Variants in UVRAG observed in about 807,000 individuals in gnomAD.
UVRAG encodes the protein UV radiation resistance associated.
Under a neutral mutation model 78.0 loss-of-function variants are expected in UVRAG, and 19 were observed. That is an observed-to-expected ratio of 0.24 (90% confidence interval 0.17 to 0.36). The LOEUF (loss-of-function observed/expected upper bound fraction) is 0.36, where lower values mean the gene tolerates loss of function less well. Ranked by LOEUF, UVRAG falls within the 10% of genes least tolerant of loss-of-function variation. The pLI is 1.00. For missense variants in UVRAG, 740 were observed against 853.8 expected, an observed-to-expected ratio of 0.87 and a Z score of 1.66; for synonymous variants, 323 against 324.6, an observed-to-expected ratio of 1.00 and a Z score of 0.05.
intron 3 of UVRAG, among the ~76,000 whole-genome samples, chr11:75,877,757 C>T (rs1420634035): frequency 1.4e-5 from 2 of 140,770 alleles, no homozygotes; most frequent in Admixed American, 6.8e-5. Flanking sequence ...ACTTCCCTCC[C>T]GGACGGAGCG....
At chr11:75,973,466 G>T (rs1057014493) in intron 7 of UVRAG, among the ~76,000 whole-genome samples, 11 of 152,102 alleles carry the variant, frequency 7.2e-5, no homozygotes, top group African/African-American at 1.4e-4. Flanking sequence ...AGTGTCTTTG[G>T]TTTTTGTGTT....
intron 1 of UVRAG, among the ~76,000 whole-genome samples, chr11:75,828,731 G>GTGTGTATA (rs1555069621): frequency 3.6e-5 from 4 of 110,822 alleles, no homozygotes; most frequent in African/African-American, 1.5e-4. Flanking sequence ...ATGTGTGTGT[G>GTGTGTATA]TATATATATA....
chr11:75,951,368 T>TTTTTTTG lies in UVRAG; in HGVS notation c.594-10073_594-10072insTTTGTTT, dbSNP rs529777613. Among the ~76,000 whole-genome samples the TTTTTTTG allele has an allele frequency of 6.2e-4, 94 of 150,406 alleles. 1 individual carries two copies. Among genetic ancestry groups the TTTTTTTG allele is most frequent in the African/African-American group, 2.3e-3 (92 of 40,224 alleles). On this transcript the variant is annotated intron_variant, in intron 6 of 14. Coordinates refer to ENST00000356136, the MANE Select transcript of UVRAG (RefSeq NM_003369.4). Reference sequence around the variant, plus strand: ...GTGTGTGTGTGTGTGTGTATATATTTTTTGTTTGTTTGTTTGTTTGTTTGT... The same window carrying TTTTTTTG: ...GTGTGTGTGTGTGTGTGTATATATTTTTTTTTGTTTGTTTGTTTGTTTGTTTGTTTGT...
chr11:76,105,304 CT>C (rs1251234506), intron 13 of UVRAG, among the ~76,000 whole-genome samples: 1 of 152,100 alleles, frequency 6.6e-6, no homozygotes, highest in African/African-American at 2.4e-5. Context: ...ACTTGGGAGG[CT>C]GAAGTGGGAG....
intron 13 of UVRAG, 158 bp from the exon 14 acceptor site, chr11:76,115,766 A>C: frequency 1.6e-6 from 1 of 633,470 alleles, no homozygotes; most frequent in Non-Finnish European, 2.7e-6. Context: ...CTATATGTCA[A>C]ATACCCAGTA....
chr11:76,019,493 C>A (rs1357036374), intron 12 of UVRAG, among the ~76,000 whole-genome samples: 1 of 152,172 alleles, frequency 6.6e-6, no homozygotes, highest in African/African-American at 2.4e-5. Flanking sequence ...CTTGGGAAGG[C>A]TTTCCAGGTT....
chr11:76,048,474 A>G (rs564910328), intron 12 of UVRAG, among the ~76,000 whole-genome samples: 1 of 152,336 alleles, frequency 6.6e-6, no homozygotes, highest in Non-Finnish European at 1.5e-5. Context: ...TGATAATTAA[A>G]GGGGATTGAC....
At chr11:76,079,642 A>G (rs962649313) in intron 13 of UVRAG, among the ~76,000 whole-genome samples, 4 of 152,212 alleles carry the variant, frequency 2.6e-5, no homozygotes, top group Admixed American at 1.3e-4. Flanking sequence ...TGATAATACT[A>G]TCTTACATTT....
intron 6 of UVRAG, among the ~76,000 whole-genome samples, chr11:75,957,799 T>C (rs1815432007): frequency 6.6e-6 from 1 of 152,186 alleles, no homozygotes; most frequent in Non-Finnish European, 1.5e-5. Flanking sequence ...CATTAAAGTA[T>C]TATTTAAAAA....
intron 13 of UVRAG, among the ~76,000 whole-genome samples, chr11:76,081,090 G>A (rs1339108191): frequency 3.3e-5 from 5 of 152,138 alleles, no homozygotes; most frequent in Admixed American, 2.6e-4. Flanking sequence ...AGATTCCCTT[G>A]CAAGGCAGCT....
chr11:75,904,926 G>A (rs977671434), intron 5 of UVRAG, among the ~76,000 whole-genome samples: 4 of 152,032 alleles, frequency 2.6e-5, no homozygotes, highest in African/African-American at 9.7e-5. Context: ...AAGAAACTGA[G>A]GCCTAGGAGA....
chr11:75,838,360 C>T (rs141405128), intron 1 of UVRAG, among the ~76,000 whole-genome samples: 39 of 151,958 alleles, frequency 2.6e-4, no homozygotes, highest in African/African-American at 8.9e-4. Flanking sequence ...GTTTTTGAGA[C>T]AGAATCTTAC....
chr11:76,070,375 A>G (rs1273387090), intron 13 of UVRAG, among the ~76,000 whole-genome samples: 1 of 152,200 alleles, frequency 6.6e-6, no homozygotes, highest in Non-Finnish European at 1.5e-5. Context: ...GTCTAGGGAT[A>G]TAATATACAG....
chr11:75,826,541 G>A (rs1430617380), intron 1 of UVRAG, among the ~76,000 whole-genome samples: 3 of 152,168 alleles, frequency 2.0e-5, no homozygotes, highest in Admixed American at 1.3e-4. Flanking sequence ...AGGAGAGGCT[G>A]TATTTTAACG....
chr11:75,946,676 C>G (rs773657620), intron 6 of UVRAG, among the ~76,000 whole-genome samples: 28 of 152,164 alleles, frequency 1.8e-4, no homozygotes, highest in Non-Finnish European at 3.7e-4. Context: ...GCCTCTTGTT[C>G]TCTTGCTGAT....
intron 13 of UVRAG, among the ~76,000 whole-genome samples, chr11:76,108,408 A>G (rs902424610): frequency 4.6e-5 from 7 of 152,216 alleles, no homozygotes; most frequent in Admixed American, 1.3e-4. Flanking sequence ...CAGTAAAATC[A>G]TACTACGTTT....
rs147254159 is a variant in UVRAG at position 76,141,405 on chromosome 11, G to A, written c.2092G>A (p.Asp698Asn). ...SSFRRPRRSS[D>N]K is the part of the protein sequence containing the mutation. ...CTTCCGCCGGCCGCGCAGGAGTTCC[G>A]ATAAGTGAAGTGAGCAGGTCAACAG... The change falls in exon 15 of 15, where the codon GAT becomes AAT. Residue 698 changes from aspartate (D) to asparagine (N), a missense_variant. By Grantham distance (23) the Asp-to-Asn change is conservative. Coordinates refer to ENST00000356136, the MANE Select transcript of UVRAG (RefSeq NM_003369.4). 45 of 1,612,028 alleles carry A rather than the reference G, an allele frequency of 2.8e-5. No individual in the cohort carries two copies. Among genetic ancestry groups the A allele is most frequent in the South Asian group, 4.4e-5 (4 of 90,958 alleles).
At chr11:76,121,165 C>T (rs1158523397) in intron 14 of UVRAG, among the ~76,000 whole-genome samples, 1 of 152,154 alleles carries the variant, frequency 6.6e-6, no homozygotes, top group Non-Finnish European at 1.5e-5. Flanking sequence ...CTTTTTCTTG[C>T]ACAGTATGGA....
intron 12 of UVRAG, among the ~76,000 whole-genome samples, chr11:76,035,110 C>T (rs941965078): frequency 6.6e-6 from 1 of 152,136 alleles, no homozygotes; most frequent in African/African-American, 2.4e-5. Flanking sequence ...ATGTTCCATA[C>T]AGCGAATATT....
Sources: allele counts gnomAD v4.1 joint callset (sites outside exome capture counted in the v4.1 genomes callset), GRCh38; gene constraint gnomAD v4.1.1; transcripts MANE v1.5; gene names NCBI Gene and HGNC (gene_info 2026-07-23, HGNC 2026-07-21).